SLC11A2: variants seen among roughly 807,000 people sequenced by gnomAD.
The protein encoded by SLC11A2 is natural resistance-associated macrophage protein 2.
SLC11A2 carries 38 observed loss-of-function variants against 68.0 expected under a neutral mutation model. The ratio of observed to expected loss-of-function variants is 0.56; its 90% confidence interval spans 0.43 to 0.73. The LOEUF (loss-of-function observed/expected upper bound fraction) is 0.73, where lower values mean the gene tolerates loss of function less well. Ranked by LOEUF, SLC11A2 falls within the 30% of genes least tolerant of loss-of-function variation. The probability of loss-of-function intolerance (pLI) is 0.00; values close to 1 mark genes in which losing one functional copy is unlikely to be tolerated. For missense variants in SLC11A2, 517 were observed against 690.5 expected (o/e 0.75, Z 2.82); for synonymous variants, 242 against 250.6 (o/e 0.97, Z 0.32).
In SLC11A2 at chr12:51,018,080, G is replaced by A. The variant is rs192962955; in HGVS notation, c.-38-7314C>T. On this transcript the variant is annotated intron_variant, in intron 1 of 15. Transcript: ENST00000262052. ...TATAAGAACTCTGGAAGAACAATTTGGATAGCCCAAACCTGTTTTAAAAAC... is the reference window on the plus strand; with the variant it reads ...TATAAGAACTCTGGAAGAACAATTTAGATAGCCCAAACCTGTTTTAAAAAC... Among the ~76,000 whole-genome samples, 183 of 152,270 alleles carry A rather than the reference G, an allele frequency of 1.2e-3. 2 individuals carry two copies. Among genetic ancestry groups the A allele is most frequent in the African/African-American group, 4.4e-3 (182 of 41,540 alleles).
In SLC11A2 at chr12:50,992,796, A is replaced by G. The variant is rs966717938; in HGVS notation, c.1197+14T>C. On this transcript the variant is annotated intron_variant, in intron 12 of 15. Coordinates refer to ENST00000262052, the MANE Select transcript of SLC11A2 (RefSeq NM_000617.3). Reference sequence around the variant, plus strand: ...GGGTTGTGTTATCTCCCTCTATCCTATACCAGCACGTACCTCCATGACAAA... The same window carrying G: ...GGGTTGTGTTATCTCCCTCTATCCTGTACCAGCACGTACCTCCATGACAAA... 1.9e-6 allele frequency: 3 copies of G among 1,613,402 alleles called. No individual in the cohort carries two copies. Among genetic ancestry groups the G allele is most frequent in the Non-Finnish European group, 2.5e-6 (3 of 1,179,692 alleles).
At chr12:51,015,428 T>C (rs1943572178) in intron 1 of SLC11A2, among the ~76,000 whole-genome samples, 1 of 151,386 alleles carries the variant, frequency 6.6e-6, no homozygotes. Flanking sequence ...TGAGCTGAGA[T>C]TGCGCCACTG....
At chr12:50,960,891 G>A in the SLC11A2 span, 1 of 1,281,158 alleles carries the variant, frequency 7.8e-7, no homozygotes, top group Non-Finnish European at 1.1e-6. Flanking sequence ...TGTTGCCCAG[G>A]CTGTTTTCAA....
At chr12:51,008,394 T>G in intron 3 of SLC11A2, 82 bp downstream of exon 3, 1 of 1,201,968 alleles carries the variant, frequency 8.3e-7, no homozygotes. Flanking sequence ...CTGAGGCTGC[T>G]GAACTTGAGC....
At chr12:50,982,621 G>A (rs992553243), downstream of SLC11A2, among the ~76,000 whole-genome samples, 4 of 151,298 alleles carry the variant, frequency 2.6e-5, no homozygotes, top group South Asian at 2.1e-4. Flanking sequence ...GTCAGACTCC[G>A]TCTCAAAAAA....
At chr12:51,008,820 T>C (rs1040625658) in intron 2 of SLC11A2, among the ~76,000 whole-genome samples, 196 bp from the exon 3 acceptor site, 1 of 152,132 alleles carries the variant, frequency 6.6e-6, no homozygotes, top group Non-Finnish European at 1.5e-5. Context: ...TGGTTAAAAA[T>C]TCAGGAAGTA....
chr12:50,984,643 C>T (rs1014145366), downstream of SLC11A2, among the ~76,000 whole-genome samples: 1 of 152,178 alleles, frequency 6.6e-6, no homozygotes, highest in African/African-American at 2.4e-5. Flanking sequence ...AGAGCTAATG[C>T]AAATGAGTGA....
chr12:51,018,633 T>A (rs1001960395), intron 1 of SLC11A2, among the ~76,000 whole-genome samples: 4 of 151,546 alleles, frequency 2.6e-5, no homozygotes, highest in African/African-American at 9.7e-5. Flanking sequence ...ATACAAAAAT[T>A]AGCTGGGTGT....
chr12:51,022,687 A>T (rs148931444), intron 1 of SLC11A2, among the ~76,000 whole-genome samples: 1 of 152,340 alleles, frequency 6.6e-6, no homozygotes, highest in South Asian at 2.1e-4. Flanking sequence ...AAATTAAGAC[A>T]ATATATACTA....
At position 50,987,834 on chromosome 12, in the gene SLC11A2, G is replaced by C. The variant is rs1940745272; in HGVS notation, c.*491C>G. The stretch of plus-strand genomic sequence containing the variant: ...ATTTCATATGGATGAAGCTATTCTA[G>C]TTGATAATTTGGTATAATTAAAATA... On this transcript the variant is annotated 3_prime_UTR_variant, in exon 16 of 16. Transcript: ENST00000262052. 1 of 1,260,688 alleles carries C rather than the reference G, an allele frequency of 7.9e-7. No homozygotes were observed. Among genetic ancestry groups the C allele is most frequent in the Admixed American group, 2.6e-5 (1 of 38,004 alleles). 78.1% of individuals were successfully genotyped at this position (1,260,688 alleles called of 1,614,324 possible).
chr12:50,997,759 G>A (rs1449525218), intron 8 of SLC11A2, among the ~76,000 whole-genome samples: 1 of 150,928 alleles, frequency 6.6e-6, no homozygotes. Context: ...AGGTCAAGGC[G>A]GGTGGATCAC....
At chr12:51,017,748 T>C (rs546632461) in intron 1 of SLC11A2, among the ~76,000 whole-genome samples, 6 of 152,190 alleles carry the variant, frequency 3.9e-5, no homozygotes, top group Non-Finnish European at 8.8e-5. Flanking sequence ...CAGGTATTTA[T>C]TGCCTTCAGC....
rs574486597 is a variant in SLC11A2, at chr12:50,998,413, A to G, written c.675+761T>C. Among the ~76,000 whole-genome samples, 4 of 152,256 alleles carry G rather than the reference A, an allele frequency of 2.6e-5. No homozygotes were observed. The East Asian group carries it at 7.7e-4, about 29-fold the overall frequency. On this transcript the variant is annotated intron_variant, in intron 8 of 15. Coordinates refer to ENST00000262052, the MANE Select transcript of SLC11A2 (RefSeq NM_000617.3). ...AAAATTAAAAAAGAATATAGAATCAATTTTTATTATCCATACTGAGCATAC... is the reference window on the plus strand; with the variant it reads ...AAAATTAAAAAAGAATATAGAATCAGTTTTTATTATCCATACTGAGCATAC...
At chr12:51,028,350 G>A (rs1944468523), upstream of SLC11A2, 4 of 593,246 alleles carry the variant, frequency 6.7e-6, no homozygotes, top group East Asian at 3.0e-5. Flanking sequence ...TTCTAAAGAC[G>A]AGCAAGGAAT....
At chr12:50,989,367 T>TG (rs1241656352) in intron 15 of SLC11A2, among the ~76,000 whole-genome samples, 1 of 152,176 alleles carries the variant, frequency 6.6e-6, no homozygotes, top group Non-Finnish European at 1.5e-5. Flanking sequence ...AGCACATGGC[T>TG]GTAGTCCCAA....
the SLC11A2 span, chr12:50,954,136 A>G: frequency 8.7e-7 from 1 of 1,151,512 alleles, no homozygotes. Context: ...GTAATAACAC[A>G]ATGATGCCTT....
At chr12:51,012,489 C>A (rs1330327702) in intron 1 of SLC11A2, among the ~76,000 whole-genome samples, 3 of 152,158 alleles carry the variant, frequency 2.0e-5, no homozygotes, top group Admixed American at 6.5e-5. Flanking sequence ...GATGAAGCCT[C>A]GCTTAATGAT....
chr12:50,971,636 CT>C, the SLC11A2 span, among the ~76,000 whole-genome samples: 2 of 152,206 alleles, frequency 1.3e-5, no homozygotes, highest in Admixed American at 6.5e-5. Flanking sequence ...ATTAACTAGG[CT>C]TTGCTGAAGA....
chr12:51,008,173 G>A (rs1373297920), intron 3 of SLC11A2: 1 of 297,978 alleles, frequency 3.4e-6, no homozygotes, highest in Non-Finnish European at 6.4e-6. Flanking sequence ...CCACTGCACT[G>A]GAGCCTAGAT....
Sources: gnomAD v4.1 joint callset for allele counts (sites outside exome capture counted in the v4.1 genomes callset) on GRCh38, gnomAD v4.1.1 for gene constraint, MANE v1.5 for transcripts, NCBI Gene and HGNC (gene_info 2026-07-23, HGNC 2026-07-21) for gene names.